The following FOXK1 variants were observed in gnomAD, a reference collection of about 807,000 sequenced individuals.
FOXK1 encodes the protein forkhead box K1.
FOXK1 carries 19 observed loss-of-function variants against 51.9 expected under a neutral mutation model. That is an observed-to-expected ratio of 0.37 (90% CI 0.26 to 0.54). The LOEUF (loss-of-function observed/expected upper bound fraction) is 0.54. Among genes scored for constraint, FOXK1 ranks in the 20% least tolerant of loss-of-function variants. The pLI, the probability that FOXK1 is intolerant of heterozygous loss-of-function variation, is 0.87. For synonymous variants in FOXK1, 537 were observed against 482.6 expected, an observed-to-expected ratio of 1.11 and a Z score of -1.48; for missense variants, 870 against 1,032.7, an observed-to-expected ratio of 0.84 and a Z score of 2.16.
In FOXK1 at chr7:4,769,082, T is replaced by C. The variant is rs2115084734; in HGVS notation, c.*6618T>C. 6.6e-6 allele frequency: 1 copy of C among 152,308 alleles called. No individual in the cohort carries two copies. The highest frequency in any genetic ancestry group is 3.4e-3 in the Middle Eastern group (1 of 294). The allele number at this position is 152,308 out of a possible 1,614,324, so 9.4% of individuals were successfully genotyped here. A position where few individuals can be genotyped will look rare whatever the true frequency, so the allele number is the denominator to read the frequency against. On this transcript the variant is annotated 3_prime_UTR_variant, in exon 9 of 9. Transcript: ENST00000328914. The surrounding 1 kb of genome is among the most constrained non-coding windows in gnomAD (Gnocchi z 4.1). ...TCTTCTACTCATCCTAATGGCTGGTTTTGGCTGCCCGGAGTATCAGAGAAT... is the reference window on the plus strand; with the variant it reads ...TCTTCTACTCATCCTAATGGCTGGTCTTGGCTGCCCGGAGTATCAGAGAAT...
chr7:4,727,105 C>A (rs1780390334), intron 1 of FOXK1, among the ~76,000 whole-genome samples: 2 of 151,934 alleles, frequency 1.3e-5, no homozygotes, highest in Non-Finnish European at 2.9e-5. Context: ...ACCACTATGC[C>A]AGGCTAATTT....
At chr7:4,739,036 C>G (rs973414662) in intron 1 of FOXK1, among the ~76,000 whole-genome samples, 1 of 152,228 alleles carries the variant, frequency 6.6e-6, no homozygotes, top group African/African-American at 2.4e-5. Flanking sequence ...CTTTCAAAAA[C>G]GCTTTGACGA....
At position 4,751,076 on chromosome 7, in the gene FOXK1, G is replaced by A. The variant is rs185410510; in HGVS notation, c.747-3383G>A. Among the ~76,000 whole-genome samples, 373 of 138,018 alleles carry A rather than the reference G, an allele frequency of 2.7e-3. 14 individuals are homozygous for A. The East Asian group carries it at 0.064, about 24-fold the overall frequency. 90.5% of individuals were successfully genotyped at this position (138,018 alleles called of 152,430 possible). Reference sequence around the variant, plus strand: ...GTCGCCCAGGCTGGAGTGCAGTGGCGCAATCTCGACTCACTGCAAACTCCA... The same window carrying A: ...GTCGCCCAGGCTGGAGTGCAGTGGCACAATCTCGACTCACTGCAAACTCCA... On this transcript the variant is annotated intron_variant, in intron 2 of 8. Transcript: ENST00000328914.
rs1780835075 is a variant in FOXK1 at position 4,755,477 on chromosome 7, A to C, written c.1050+94A>C. On this transcript the variant is annotated intron_variant, in intron 4 of 8. Transcript: ENST00000328914. The surrounding 1 kb of genome is among the most constrained non-coding windows in gnomAD (Gnocchi z 6.6). ...GCTTCCCTTAAAACAGAAGAGGGCCAGTGAGGGGGCTCACGCCTGGAACCC... is the reference window on the plus strand; with the variant it reads ...GCTTCCCTTAAAACAGAAGAGGGCCCGTGAGGGGGCTCACGCCTGGAACCC... The C allele has an allele frequency of 1.3e-6, 2 of 1,515,676 alleles. No homozygotes were observed. The highest frequency in any genetic ancestry group is 1.2e-5 in the South Asian group (1 of 81,354). 93.9% of individuals were successfully genotyped at this position (1,515,676 alleles called of 1,614,324 possible).
rs1780732309 is a variant in FOXK1, at chr7:4,748,334, T to C, written c.747-6125T>C. Among the ~76,000 whole-genome samples, 1 of 152,332 alleles carries C rather than the reference T, an allele frequency of 6.6e-6. No individual in the cohort carries two copies. The highest frequency in any genetic ancestry group is 2.4e-5 in the African/African-American group (1 of 41,576). ...CCTATATGGAAATTAAGGATTTAGCTTCCCCCCTCCCCATCCCAGTAAAGT... is the reference window on the plus strand; with the variant it reads ...CCTATATGGAAATTAAGGATTTAGCCTCCCCCCTCCCCATCCCAGTAAAGT... On this transcript the variant is annotated intron_variant, in intron 2 of 8. Coordinates refer to ENST00000328914, the MANE Select transcript of FOXK1 (RefSeq NM_001037165.2). This position sits in a 1 kb window ranked among gnomAD's most constrained non-coding sequence, Gnocchi z 4.9.
At chr7:4,725,741 C>T (rs1780373075) in intron 1 of FOXK1, among the ~76,000 whole-genome samples, 1 of 152,238 alleles carries the variant, frequency 6.6e-6, no homozygotes, top group African/African-American at 2.4e-5. Context: ...CGTCAACTGC[C>T]GTGGCTGCCC....
chr7:4,753,689 G>A lies in FOXK1; in HGVS notation c.747-770G>A, dbSNP rs1367792631. ...TCATTTTCAGAAGCAAAACATCGCC[G>A]TGGTTTGCTGACGGAAGCCTGCCTT... is the stretch of plus-strand genomic sequence containing the variant. On this transcript the variant is annotated intron_variant, in intron 2 of 8. Transcript: ENST00000328914. This position sits in a 1 kb window ranked among gnomAD's most constrained non-coding sequence, Gnocchi z 4.9. Among the ~76,000 whole-genome samples, 3 of 152,190 alleles carry A rather than the reference G, an allele frequency of 2.0e-5. No individual in the cohort carries two copies. The highest frequency in any genetic ancestry group is 6.5e-5 in the Admixed American group (1 of 15,284).
intron 1 of FOXK1, among the ~76,000 whole-genome samples, chr7:4,727,138 G>A (rs558718077): frequency 6.6e-6 from 1 of 151,802 alleles, no homozygotes; most frequent in South Asian, 2.1e-4. Flanking sequence ...TTTTTGTAGA[G>A]ACGGGGTCTC....
In FOXK1 at chr7:4,766,050, A is replaced by G. The variant is rs1414382601; in HGVS notation, c.*3586A>G. On this transcript the variant is annotated 3_prime_UTR_variant, in exon 9 of 9. Coordinates refer to ENST00000328914, the MANE Select transcript of FOXK1 (RefSeq NM_001037165.2). This position sits in a 1 kb window ranked among gnomAD's most constrained non-coding sequence, Gnocchi z 5.5. ...GTACCCAGTATCCCGGTGTGTGCCC[A>G]TCCTCAGCCACTTGTGTCTTTCTTT... 2 of 152,234 alleles carry G rather than the reference A, an allele frequency of 1.3e-5. No homozygotes were observed. Among genetic ancestry groups the G allele is most frequent in the Non-Finnish European group, 2.9e-5 (2 of 68,066 alleles). The allele number at this position is 152,234 out of a possible 1,614,324, so 9.4% of individuals were successfully genotyped here.
At chr7:4,737,573 T>TGTGC (rs896937410) in intron 1 of FOXK1, among the ~76,000 whole-genome samples, 37 of 151,942 alleles carry the variant, frequency 2.4e-4, no homozygotes, top group Middle Eastern at 3.4e-3. Context: ...TGTGTGTGTG[T>TGTGC]GCATGCATGT....
At chr7:4,721,328 C>T (rs80138342) in intron 1 of FOXK1, among the ~76,000 whole-genome samples, 2,179 of 152,240 alleles carry the variant, frequency 0.014, 48 homozygotes, top group African/African-American at 0.048. Flanking sequence ...AGCCCTGTGT[C>T]GCTGCAGCCC....
chr7:4,702,539 T>C (rs1170536373), intron 1 of FOXK1, among the ~76,000 whole-genome samples: 1 of 152,078 alleles, frequency 6.6e-6, no homozygotes, highest in African/African-American at 2.4e-5. Flanking sequence ...GAGACAGGGT[T>C]TCACCATGTT....
rs1780754125 is a variant in FOXK1 at position 4,749,983 on chromosome 7, C to T, written c.747-4476C>T. On this transcript the variant is annotated intron_variant, in intron 2 of 8. Transcript: ENST00000328914. The surrounding 1 kb of genome is among the most constrained non-coding windows in gnomAD (Gnocchi z 6.0). ...CAGTGGCACCTTCTAGGCCCGGCCC[C>T]TGGATGCGGTGGAGGCTGCCCGGGG... Among the ~76,000 whole-genome samples, 1 of 152,232 alleles carries T rather than the reference C, an allele frequency of 6.6e-6. No individual in the cohort carries two copies. The highest frequency in any genetic ancestry group is 1.5e-5 in the Non-Finnish European group (1 of 68,038).
chr7:4,691,618 G>A (rs1036223822), intron 1 of FOXK1, among the ~76,000 whole-genome samples: 1 of 151,958 alleles, frequency 6.6e-6, no homozygotes, highest in Non-Finnish European at 1.5e-5. Context: ...TTTCAGGCAT[G>A]AGCCACCACG....
chr7:4,736,792 C>T (rs906648512), intron 1 of FOXK1, among the ~76,000 whole-genome samples: 1 of 152,202 alleles, frequency 6.6e-6, no homozygotes, highest in African/African-American at 2.4e-5. Context: ...TAGCAAAGAT[C>T]ACAGAAGCGC....
chr7:4,718,934 C>T (rs1372083595), intron 1 of FOXK1, among the ~76,000 whole-genome samples: 2 of 151,940 alleles, frequency 1.3e-5, no homozygotes, highest in South Asian at 2.1e-4. Flanking sequence ...CCCAGCCTCC[C>T]GAGTAGTTAG....
Position 4,723,408 on chromosome 7 carries a change from C to G in FOXK1, c.561-17430C>G, listed in dbSNP as rs1450088825. 6.6e-6 allele frequency among the ~76,000 whole-genome samples: 1 copy of G among 151,604 alleles called. No homozygotes were observed. The highest frequency in any genetic ancestry group is 1.5e-5 in the Non-Finnish European group (1 of 67,888). On this transcript the variant is annotated intron_variant, in intron 1 of 8. Coordinates refer to ENST00000328914, the MANE Select transcript of FOXK1 (RefSeq NM_001037165.2). This position sits in a 1 kb window ranked among gnomAD's most constrained non-coding sequence, Gnocchi z 4.7. Reference sequence around the variant, plus strand: ...CTGTGGGGTTTTTTTTTTGGACGTTCCCAGCTGACTAAATTTGCCTTCTTC... The same window carrying G: ...CTGTGGGGTTTTTTTTTTGGACGTTGCCAGCTGACTAAATTTGCCTTCTTC...
rs1393445528 is a variant in FOXK1, at chr7:4,771,405, T to A, written c.*8941T>A. On this transcript the variant is annotated 3_prime_UTR_variant, in exon 9 of 9. Coordinates refer to ENST00000328914, the MANE Select transcript of FOXK1 (RefSeq NM_001037165.2). ...TTTGTTTCTCCTCTTAGCATTTGTT[T>A]CTATAACCAGAAATAAAATTCTATA... The A allele has an allele frequency of 6.6e-6, 1 of 152,610 alleles. No individual in the cohort carries two copies. Among genetic ancestry groups the A allele is most frequent in the South Asian group, 2.1e-4 (1 of 4,824 alleles). 9.5% of individuals were successfully genotyped at this position (152,610 alleles called of 1,614,324 possible).
At position 4,696,789 on chromosome 7, in the gene FOXK1, C is replaced by T. The variant is rs117030706; in HGVS notation, c.560+13921C>T. Among the ~76,000 whole-genome samples, 1,029 of 152,270 alleles carry T rather than the reference C, an allele frequency of 6.8e-3. 7 individuals carry two copies. The highest frequency in any genetic ancestry group is 0.015 in the Admixed American group (230 of 15,282). On this transcript the variant is annotated intron_variant, in intron 1 of 8. Coordinates refer to ENST00000328914, the MANE Select transcript of FOXK1 (RefSeq NM_001037165.2). ...TGGGCAGAAAATGCCTCCTTCGGGC[C>T]AGGTGCTGTGGCTCACGCCTGTAAT...
Sources: allele counts gnomAD v4.1 joint callset (sites outside exome capture counted in the v4.1 genomes callset), GRCh38; gene constraint gnomAD v4.1.1; non-coding constraint Gnocchi (gnomAD v3.1); transcripts MANE v1.5; gene names NCBI Gene and HGNC (gene_info 2026-07-23, HGNC 2026-07-21).